Variants in ADD2 observed in about 807,000 individuals in gnomAD.
ADD2 encodes the protein beta-adducin.
In ADD2, 23 loss-of-function variants were observed where a neutral mutation model predicts 83.0. That is an observed-to-expected ratio of 0.28 (90% CI 0.20 to 0.39). The LOEUF (loss-of-function observed/expected upper bound fraction) is 0.39, where lower values mean the gene tolerates loss of function less well. ADD2 is among the 10% of genes least tolerant of loss of function. ADD2 has a pLI of 1.00. For missense variants in ADD2, 758 were observed against 944.9 expected, an observed-to-expected ratio of 0.80 and a Z score of 2.59; for synonymous variants, 375 against 375.4, an observed-to-expected ratio of 1.00 and a Z score of 0.01.
At chr2:70,759,427 CAT>C (rs1674966574) in intron 1 of ADD2, among the ~76,000 whole-genome samples, 1 of 152,148 alleles carries the variant, frequency 6.6e-6, no homozygotes, top group Admixed American at 6.5e-5. Flanking sequence ...TCCCTCAGCA[CAT>C]GTCTGAGGAA....
At chr2:70,705,244 C>T (rs1159302971) in intron 3 of ADD2, among the ~76,000 whole-genome samples, 1 of 152,190 alleles carries the variant, frequency 6.6e-6, no homozygotes, top group African/African-American at 2.4e-5. Context: ...TGCCATATTC[C>T]TCCCAGCTCC....
At chr2:70,715,097 G>C (rs1672396085) in intron 1 of ADD2, among the ~76,000 whole-genome samples, 1 of 152,142 alleles carries the variant, frequency 6.6e-6, no homozygotes, top group Non-Finnish European at 1.5e-5. Context: ...AATTGTATTA[G>C]CTAGAAACCA....
At chr2:70,665,307 C>T (rs916982122) in intron 15 of ADD2, among the ~76,000 whole-genome samples, 2 of 152,132 alleles carry the variant, frequency 1.3e-5, no homozygotes, top group East Asian at 3.9e-4. Flanking sequence ...CTTTGCAACT[C>T]CTGACACTGC....
chr2:70,717,433 A>G (rs3755365), intron 1 of ADD2, among the ~76,000 whole-genome samples: 55,449 of 152,036 alleles, frequency 0.36, 10,592 homozygotes, highest in African/African-American at 0.48. Flanking sequence ...GGCAGGCGCC[A>G]TCTCCTGCCA....
intron 14 of ADD2, chr2:70,673,209 G>A (rs782690552): frequency 1.2e-6 from 2 of 1,608,766 alleles, no homozygotes; most frequent in Non-Finnish European, 1.7e-6. Flanking sequence ...GGAGAGGGTG[G>A]AGTCATGTTT....
At chr2:70,740,654 TTTG>T (rs1295832150) in intron 1 of ADD2, among the ~76,000 whole-genome samples, 2 of 152,120 alleles carry the variant, frequency 1.3e-5, no homozygotes, top group Non-Finnish European at 2.9e-5. Context: ...TTGTTTGCTT[TTTG>T]TTGTTTTTGT....
intron 1 of ADD2, among the ~76,000 whole-genome samples, chr2:70,763,565 C>T (rs1675227032): frequency 6.6e-6 from 1 of 151,884 alleles, no homozygotes; most frequent in South Asian, 2.1e-4. Context: ...TCATAAATAC[C>T]AGTTCTAAAC....
In ADD2 at chr2:70,767,984, A is replaced by C. The variant is rs115262291; in HGVS notation, c.-252T>G. ...TGGGGTGCGCTTAAAAAATCCACCCAGCTAATCTGCAGGGCAGCGTTTTCT... is the reference window on the plus strand; with the variant it reads ...TGGGGTGCGCTTAAAAAATCCACCCCGCTAATCTGCAGGGCAGCGTTTTCT... On this transcript the variant is annotated 5_prime_UTR_variant, in exon 1 of 16. Coordinates refer to ENST00000264436, the MANE Select transcript of ADD2 (RefSeq NM_001617.4). The C allele has an allele frequency of 2.0e-6, 3 of 1,534,106 alleles. No individual in the cohort carries two copies. The highest frequency in any genetic ancestry group is 2.6e-6 in the Non-Finnish European group (3 of 1,145,642).
chr2:70,720,720 A>G (rs1356158086), intron 1 of ADD2, among the ~76,000 whole-genome samples: 1 of 152,220 alleles, frequency 6.6e-6, no homozygotes, highest in Non-Finnish European at 1.5e-5. Flanking sequence ...TGTCAGAGAC[A>G]ATGCTATGTG....
At chr2:70,705,502 G>GC (rs1403488735) in intron 3 of ADD2, among the ~76,000 whole-genome samples, 3 of 152,132 alleles carry the variant, frequency 2.0e-5, no homozygotes, top group Non-Finnish European at 4.4e-5. Flanking sequence ...GATTCCTGAG[G>GC]CCCCCCAAGC....
Position 70,676,894 on chromosome 2 carries a change from A to G in ADD2, c.1504-9T>C. On this transcript the variant is annotated splice_polypyrimidine_tract_variant and intron_variant, in intron 12 of 15. Coordinates refer to ENST00000264436, the MANE Select transcript of ADD2 (RefSeq NM_001617.4). This position sits in a 1 kb window ranked among gnomAD's most constrained non-coding sequence, Gnocchi z 4.8. ...CGGTTTTGTTCTCGAATCTGTGTGG[A>G]AAGGGGAGAGGAAGAGTGAGCTGGC... The G allele has an allele frequency of 6.2e-7, 1 of 1,611,364 alleles. No individual in the cohort carries two copies. The highest frequency in any genetic ancestry group is 8.5e-7 in the Non-Finnish European group (1 of 1,177,986).
At chr2:70,687,558 T>C (rs1270004943) in intron 9 of ADD2, among the ~76,000 whole-genome samples, 2 of 151,996 alleles carry the variant, frequency 1.3e-5, no homozygotes, top group Non-Finnish European at 2.9e-5. Context: ...GACGTGACCA[T>C]GTCCCTGGCC....
intron 15 of ADD2, 76 bp from the exon 16 acceptor site, chr2:70,663,811 T>C: frequency 7.0e-7 from 1 of 1,436,774 alleles, no homozygotes; most frequent in Admixed American, 2.2e-5. Context: ...AACAGAACCA[T>C]TTCTAGGGAA....
intron 1 of ADD2, among the ~76,000 whole-genome samples, chr2:70,737,563 CG>C (rs1673639306): frequency 1.0e-5 from 1 of 98,556 alleles, no homozygotes; most frequent in Non-Finnish European, 1.9e-5. Context: ...CATCACACAC[CG>C]GGGCCTGTCA....
chr2:70,751,679 G>A (rs1410474573), intron 1 of ADD2, among the ~76,000 whole-genome samples: 3 of 152,112 alleles, frequency 2.0e-5, no homozygotes, highest in Admixed American at 6.5e-5. Flanking sequence ...TTCTCCAATC[G>A]AAACAACTCG....
At chr2:70,767,561 G>GAGGCT in intron 1 of ADD2, 1 of 1,072,294 alleles carries the variant, frequency 9.3e-7, no homozygotes, top group Non-Finnish European at 1.2e-6. Flanking sequence ...TAGGCGAGGC[G>GAGGCT]AGGCTTGCCG....
intron 10 of ADD2, among the ~76,000 whole-genome samples, chr2:70,682,184 G>A (rs1471824343): frequency 6.6e-6 from 1 of 152,106 alleles, no homozygotes; most frequent in East Asian, 1.9e-4. Context: ...TTTTCATGTA[G>A]CATTTTTCAT....
At chr2:70,675,114 G>C (rs1239944036) in intron 13 of ADD2, 1 of 1,129,960 alleles carries the variant, frequency 8.8e-7, no homozygotes, top group Non-Finnish European at 1.1e-6. Flanking sequence ...CACCTTTATT[G>C]CAATCCCTTC....
At chr2:70,664,769 G>A (rs1375135944) in intron 15 of ADD2, among the ~76,000 whole-genome samples, 1 of 149,732 alleles carries the variant, frequency 6.7e-6, no homozygotes, top group Non-Finnish European at 1.5e-5. Flanking sequence ...GGGTGTGCAA[G>A]TGTGAGTGGG....
Sources: gnomAD v4.1 joint callset for allele counts (sites outside exome capture counted in the v4.1 genomes callset) on GRCh38, gnomAD v4.1.1 for gene constraint, Gnocchi (gnomAD v3.1) non-coding constraint, MANE v1.5 for transcripts, NCBI Gene and HGNC (gene_info 2026-07-23, HGNC 2026-07-21) for gene names.